SGCG: variants seen among roughly 807,000 people sequenced by gnomAD.
SGCG encodes the protein sarcoglycan gamma.
In SGCG, 26 loss-of-function variants were observed where a neutral mutation model predicts 29.3. The ratio of observed to expected loss-of-function variants is 0.89; its 90% CI spans 0.65 to 1.23. The LOEUF (loss-of-function observed/expected upper bound fraction) is 1.23, where lower values mean the gene tolerates loss of function less well. SGCG is among the 50% of genes most tolerant of loss of function. SGCG has a pLI of 0.00. For missense variants in SGCG, 353 were observed against 356.0 expected (o/e 0.99, Z 0.07); for synonymous variants, 145 against 129.7 (o/e 1.12, Z -0.80).
intron 6 of SGCG, among the ~76,000 whole-genome samples, chr13:23,307,600 G>C (rs1882406040): frequency 6.6e-6 from 1 of 152,018 alleles, no homozygotes; most frequent in Non-Finnish European, 1.5e-5. Context: ...GAACTGTATG[G>C]GTTTTTTTCA....
chr13:23,191,774 T>C (rs1877263667), intron 1 of SGCG, among the ~76,000 whole-genome samples: 2 of 152,222 alleles, frequency 1.3e-5, no homozygotes, highest in Admixed American at 1.3e-4. Flanking sequence ...ATTCATCATA[T>C]GAAGGTAGAA....
At chr13:23,166,953 AATT>A in the SGCG span, among the ~76,000 whole-genome samples, 1 of 152,158 alleles carries the variant, frequency 6.6e-6, no homozygotes, top group African/African-American at 2.4e-5. Flanking sequence ...TGTAAAATTA[AATT>A]ATTATTGACT....
chr13:23,243,112 G>A (rs1879569644), intron 3 of SGCG, among the ~76,000 whole-genome samples: 1 of 152,122 alleles, frequency 6.6e-6, no homozygotes, highest in East Asian at 1.9e-4. Context: ...TAGATACAGA[G>A]TCAATTCTGC....
intron 2 of SGCG, among the ~76,000 whole-genome samples, chr13:23,206,412 A>G (rs921060610): frequency 5.9e-5 from 9 of 152,176 alleles, no homozygotes; most frequent in Admixed American, 4.6e-4. Flanking sequence ...GGAAGCATGC[A>G]ATATTTGTCC....
chr13:23,298,378 G>A (rs1049045558), intron 6 of SGCG, among the ~76,000 whole-genome samples: 6 of 151,960 alleles, frequency 3.9e-5, no homozygotes, highest in African/African-American at 9.7e-5. Flanking sequence ...AAAAAAAATT[G>A]TTATTATACT....
the SGCG span, among the ~76,000 whole-genome samples, chr13:23,171,007 C>T: frequency 6.6e-6 from 1 of 152,164 alleles, no homozygotes; most frequent in Non-Finnish European, 1.5e-5. Context: ...TATAAAAGTG[C>T]TATGCTATGG....
chr13:23,219,274 C>G (rs1297226658), intron 2 of SGCG, among the ~76,000 whole-genome samples: 2 of 152,048 alleles, frequency 1.3e-5, no homozygotes, highest in Admixed American at 1.3e-4. Context: ...GTCTCGATCT[C>G]CTGACCTCCT....
chr13:23,226,180 A>T (rs979386014), intron 2 of SGCG, among the ~76,000 whole-genome samples: 1 of 152,248 alleles, frequency 6.6e-6, no homozygotes, highest in Non-Finnish European at 1.5e-5. Context: ...ACAAGACATT[A>T]TCAATTTGCA....
intron 5 of SGCG, among the ~76,000 whole-genome samples, 200 bp downstream of exon 5, chr13:23,279,678 A>G (rs1881227828): frequency 7.7e-6 from 1 of 129,656 alleles, no homozygotes; most frequent in Non-Finnish European, 1.8e-5. Context: ...ATCTTGGCCC[A>G]CCCTTCTTCC....
chr13:23,292,730 A>T (rs1040644341), intron 5 of SGCG, among the ~76,000 whole-genome samples: 1 of 152,188 alleles, frequency 6.6e-6, no homozygotes, highest in Admixed American at 6.5e-5. Flanking sequence ...TTGTTTTTAT[A>T]TCTTAGTTAT....
At chr13:23,206,738 A>G (rs894528023) in intron 2 of SGCG, among the ~76,000 whole-genome samples, 1 of 152,226 alleles carries the variant, frequency 6.6e-6, no homozygotes, top group African/African-American at 2.4e-5. Flanking sequence ...AAAGAATGCA[A>G]TATCTAGAAA....
At chr13:23,226,818 G>T (rs1878916799) in intron 2 of SGCG, among the ~76,000 whole-genome samples, 1 of 152,104 alleles carries the variant, frequency 6.6e-6, no homozygotes, top group Non-Finnish European at 1.5e-5. Flanking sequence ...AAGAGTTCTG[G>T]AAGGGGTGAT....
At position 23,224,747 on chromosome 13, in the gene SGCG, A is replaced by G. The variant is rs569504044; in HGVS notation, c.196-9864A>G. ...TTTCCTACTAAGCCAGGCACAGGCC[A>G]TAGAAAATTCTCACACAACACTCAA... is the stretch of plus-strand genomic sequence containing the variant. On this transcript the variant is annotated intron_variant, in intron 2 of 7. Transcript: ENST00000218867. Among the ~76,000 whole-genome samples, 3 of 152,188 alleles carry G rather than the reference A, an allele frequency of 2.0e-5. No homozygotes were observed. The East Asian group carries it at 5.8e-4, about 29-fold the overall frequency.
chr13:23,310,150 G>A (rs192559845), intron 6 of SGCG, among the ~76,000 whole-genome samples: 19 of 124,692 alleles, frequency 1.5e-4, no homozygotes, highest in Admixed American at 8.4e-4. Context: ...GCAGTGACAC[G>A]ATCTCGGCTC....
intron 4 of SGCG, chr13:23,268,191 G>A (rs916709163): frequency 1.3e-5 from 2 of 152,356 alleles, no homozygotes; most frequent in South Asian, 2.1e-4. Flanking sequence ...CAGCCTAATC[G>A]AAGAGAAGTA....
chr13:23,269,874 G>GTTT lies in SGCG; in HGVS notation c.386-9479_386-9477dup, dbSNP rs796558128. Among the ~76,000 whole-genome samples, 586 of 97,240 alleles carry GTTT rather than the reference G, an allele frequency of 6.0e-3. 13 individuals are homozygous for GTTT. Among genetic ancestry groups the GTTT allele is most frequent in the Middle Eastern group, 0.029 (4 of 138 alleles). 63.8% of individuals were successfully genotyped at this position (97,240 alleles called of 152,430 possible). A position where few individuals can be genotyped will look rare whatever the true frequency, so the allele number is the denominator to read the frequency against. On this transcript the variant is annotated intron_variant, in intron 4 of 7. Transcript: ENST00000218867. ...TGGTTTGCTTTTTTTTGTTTTTTTT[G>GTTT]TTTTTTTTGTTTTTTTTTGAGGCGG...
intron 3 of SGCG, among the ~76,000 whole-genome samples, chr13:23,236,537 G>A (rs867590955): frequency 1.3e-5 from 2 of 152,028 alleles, no homozygotes; most frequent in South Asian, 2.1e-4. Context: ...AATCAGCCGG[G>A]CGTGGTGGCG....
intron 1 of SGCG, among the ~76,000 whole-genome samples, chr13:23,194,035 T>G (rs1453856554): frequency 6.6e-6 from 1 of 151,878 alleles, no homozygotes; most frequent in Non-Finnish European, 1.5e-5. Flanking sequence ...AAATGAAGAG[T>G]GAAATAAATT....
chr13:23,230,136 G>T (rs989712788), intron 2 of SGCG, among the ~76,000 whole-genome samples: 3 of 152,042 alleles, frequency 2.0e-5, no homozygotes, highest in Admixed American at 1.3e-4. Flanking sequence ...TGTTCTTTTG[G>T]TCTGTGTCTG....
Sources: gnomAD v4.1 joint callset for allele counts (sites outside exome capture counted in the v4.1 genomes callset) on GRCh38, gnomAD v4.1.1 for gene constraint, MANE v1.5 for transcripts, NCBI Gene and HGNC (gene_info 2026-07-23, HGNC 2026-07-21) for gene names.